SANBR: variants seen among roughly 807,000 people sequenced by gnomAD.
The protein encoded by SANBR is SANT and BTB domain regulator of CSR.
In SANBR, 77 loss-of-function variants were observed where a neutral mutation model predicts 101.8. The observed-to-expected ratio is 0.76, with a 90% confidence interval of 0.63 to 0.91. SANBR has a LOEUF of 0.91. Ranked by LOEUF, SANBR falls within the 40% of genes least tolerant of loss-of-function variation. The pLI is 0.00. For synonymous variants in SANBR, 279 were observed against 274.7 expected (o/e 1.02, Z -0.15); for missense variants, 875 against 853.0 (o/e 1.03, Z -0.32).
chr2:61,088,271 G>T, intron 9 of SANBR, 26 bp downstream of exon 9: 2 of 1,580,240 alleles, frequency 1.3e-6, no homozygotes, highest in Non-Finnish European at 8.6e-7. Context: ...TTTTTCTTTG[G>T]TGTACTTTAT....
intron 12 of SANBR, among the ~76,000 whole-genome samples, chr2:61,099,394 A>G (rs1683182943): frequency 1.3e-5 from 2 of 152,210 alleles, no homozygotes; most frequent in Non-Finnish European, 2.9e-5. Context: ...TAAAACTGAA[A>G]TTACCTGACA....
rs1012100110 is a variant in SANBR, at chr2:61,123,025, G to C, written c.*863G>C. The C allele has an allele frequency of 2.0e-6, 2 of 980,316 alleles. No homozygotes were observed. The highest frequency in any genetic ancestry group is 2.4e-6 in the Non-Finnish European group (2 of 825,366). The allele number at this position is 980,316 out of a possible 1,614,324, so 60.7% of individuals were successfully genotyped here. Reference sequence around the variant, plus strand: ...TTAAAACAGTTATACTTGCTAGTTCGGTCTAAAATTTTCCAAATACATTAG... The same window carrying C: ...TTAAAACAGTTATACTTGCTAGTTCCGTCTAAAATTTTCCAAATACATTAG... On this transcript the variant is annotated 3_prime_UTR_variant, in exon 22 of 22. Coordinates refer to ENST00000402291, the MANE Select transcript of SANBR (RefSeq NM_001129993.3).
chr2:61,120,408 G>A (rs964992560), intron 20 of SANBR, among the ~76,000 whole-genome samples: 1 of 152,220 alleles, frequency 6.6e-6, no homozygotes, highest in Non-Finnish European at 1.5e-5. Flanking sequence ...GCTGAGGCAG[G>A]AGAATCACTT....
intron 16 of SANBR, among the ~76,000 whole-genome samples, chr2:61,115,025 A>C (rs1237537561): frequency 6.6e-6 from 1 of 152,132 alleles, no homozygotes; most frequent in East Asian, 1.9e-4. Context: ...TTTTCTTCTT[A>C]TGTATTTTTC....
At chr2:61,111,183 G>A (rs1683813766) in intron 16 of SANBR, among the ~76,000 whole-genome samples, 1 of 152,124 alleles carries the variant, frequency 6.6e-6, no homozygotes, top group African/African-American at 2.4e-5. Flanking sequence ...CACGAGCTCA[G>A]AAGATCGAGA....
At chr2:61,131,234 T>C (rs1444683075) in intron 20 of SANBR, among the ~76,000 whole-genome samples, 1 of 152,066 alleles carries the variant, frequency 6.6e-6, no homozygotes, top group African/African-American at 2.4e-5. Flanking sequence ...ATAAAATGCA[T>C]CTAAATTGGA....
chr2:61,117,694 C>A (rs1019886525), intron 19 of SANBR, among the ~76,000 whole-genome samples, 154 bp downstream of exon 19: 3 of 152,200 alleles, frequency 2.0e-5, no homozygotes, highest in African/African-American at 7.2e-5. Context: ...ACCAGAGTTT[C>A]ATTACTAGAC....
rs559400031 is a variant in SANBR at position 61,081,823 on chromosome 2, A to G, written c.729+313A>G. 3.4e-4 allele frequency among the ~76,000 whole-genome samples: 51 copies of G among 151,858 alleles called. No homozygotes were observed. In the Middle Eastern group the frequency reaches 0.01, roughly 30 times the overall value. Reference sequence around the variant, plus strand: ...GCCACTACGCCCAGCTAATTTTTCTATTTTTTGTAGAGACGGGGTTTTGCT... The same window carrying G: ...GCCACTACGCCCAGCTAATTTTTCTGTTTTTTGTAGAGACGGGGTTTTGCT... On this transcript the variant is annotated intron_variant, in intron 7 of 21. Transcript: ENST00000402291.
At chr2:61,076,819 T>C (rs1681810026) in intron 5 of SANBR, 101 bp from the exon 6 acceptor site, 1 of 802,572 alleles carries the variant, frequency 1.2e-6, no homozygotes, top group Non-Finnish European at 2.0e-6. Context: ...GTTCAGAATT[T>C]TCAAAAACAT....
rs531711059 is a variant in SANBR at position 61,088,269 on chromosome 2, T to C, written c.977+24T>C. 6.3e-6 allele frequency: 10 copies of C among 1,583,182 alleles called. 1 individual carries two copies. The South Asian group carries it at 1.0e-4, about 17-fold the overall frequency. On this transcript the variant is annotated intron_variant, in intron 9 of 21. Coordinates refer to ENST00000402291, the MANE Select transcript of SANBR (RefSeq NM_001129993.3). Reference sequence around the variant, plus strand: ...AGGTATGCTAACATGTTTTTTTCTTTGGTGTACTTTATAATGCAGCTATAT... The same window carrying C: ...AGGTATGCTAACATGTTTTTTTCTTCGGTGTACTTTATAATGCAGCTATAT...
At chr2:61,126,428 C>T (rs976098010), downstream of SANBR, among the ~76,000 whole-genome samples, 11 of 152,234 alleles carry the variant, frequency 7.2e-5, no homozygotes, top group Middle Eastern at 3.4e-3. Flanking sequence ...CTCAAAGCGA[C>T]GTTCGTGATT....
chr2:61,136,641 A>G (rs535591357), intron 21 of SANBR, among the ~76,000 whole-genome samples: 1 of 147,014 alleles, frequency 6.8e-6, no homozygotes, highest in Non-Finnish European at 1.5e-5. Context: ...AAAAAAAAAA[A>G]GATGATGGCA....
intron 16 of SANBR, 120 bp downstream of exon 16, chr2:61,109,416 A>AC: frequency 4.1e-6 from 2 of 490,958 alleles, no homozygotes; most frequent in Non-Finnish European, 7.2e-6. Flanking sequence ...ACATAGAAAA[A>AC]AAATTGAAAG....
intron 15 of SANBR, 108 bp downstream of exon 15, chr2:61,108,457 TA>T: frequency 1.5e-6 from 1 of 647,044 alleles, no homozygotes; most frequent in Admixed American, 3.3e-5. Flanking sequence ...TAGTTAAATG[TA>T]CATCTTCCTT....
intron 7 of SANBR, 78 bp downstream of exon 7, chr2:61,081,588 T>G (rs1682130434): frequency 1.5e-6 from 2 of 1,340,478 alleles, no homozygotes; most frequent in Non-Finnish European, 2.0e-6. Flanking sequence ...TAGAAAATTC[T>G]GAGACTTTAT....
chr2:61,107,031 G>T (rs1324240670), intron 14 of SANBR, among the ~76,000 whole-genome samples: 1 of 152,006 alleles, frequency 6.6e-6, no homozygotes, highest in Non-Finnish European at 1.5e-5. Context: ...GCCAAGTGTG[G>T]TGCCTTGTGC....
At chr2:61,118,942 G>C (rs1684209014) in intron 20 of SANBR, among the ~76,000 whole-genome samples, 1 of 152,046 alleles carries the variant, frequency 6.6e-6, no homozygotes. Flanking sequence ...ATTATCCATG[G>C]TCCATAGGTC....
intron 1 of SANBR, among the ~76,000 whole-genome samples, chr2:61,067,390 C>G (rs1304691078): frequency 6.6e-6 from 1 of 152,116 alleles, no homozygotes; most frequent in Non-Finnish European, 1.5e-5. Flanking sequence ...AGGGAAGATC[C>G]TTGCCCTGAA....
At chr2:61,111,579 T>TA (rs1683833043) in intron 16 of SANBR, among the ~76,000 whole-genome samples, 1 of 152,258 alleles carries the variant, frequency 6.6e-6, no homozygotes, top group African/African-American at 2.4e-5. Context: ...AGGTATAAGT[T>TA]ATATGTTACA....
Sources: allele counts gnomAD v4.1 joint callset (sites outside exome capture counted in the v4.1 genomes callset), GRCh38; gene constraint gnomAD v4.1.1; transcripts MANE v1.5; gene names NCBI Gene and HGNC (gene_info 2026-07-23, HGNC 2026-07-21).